Variants in HHIP observed in about 807,000 individuals in gnomAD.
The protein encoded by HHIP is hedgehog interacting protein.
A neutral mutation model predicts 74.0 loss-of-function variants in HHIP; 12 were observed. The ratio of observed to expected loss-of-function variants is 0.16; its 90% confidence interval spans 0.10 to 0.26. The LOEUF (loss-of-function observed/expected upper bound fraction) is 0.26, where lower values mean the gene tolerates loss of function less well. Ranked by LOEUF, HHIP falls within the 10% of genes least tolerant of loss-of-function variation. HHIP has a pLI of 1.00. For missense variants in HHIP, 788 were observed against 845.0 expected, an observed-to-expected ratio of 0.93 and a Z score of 0.84; for synonymous variants, 309 against 311.6, an observed-to-expected ratio of 0.99 and a Z score of 0.09.
chr4:144,677,837 T>C (rs1257450247), intron 4 of HHIP, among the ~76,000 whole-genome samples: 1 of 152,186 alleles, frequency 6.6e-6, no homozygotes, highest in African/African-American at 2.4e-5. Context: ...CCTAATTAGA[T>C]GGTATTTTCT....
rs1328809637 is a variant in HHIP, at chr4:144,741,414, G to A, written c.*3457G>A. The A allele has an allele frequency of 1.0e-5, 1 of 97,516 alleles. No homozygotes were observed. Among genetic ancestry groups the A allele is most frequent in the Non-Finnish European group, 1.9e-5 (1 of 53,724 alleles). 6.0% of individuals were successfully genotyped at this position (97,516 alleles called of 1,614,324 possible). On this transcript the variant is annotated 3_prime_UTR_variant, in exon 13 of 13. Transcript: ENST00000296575. ...TTTTTTTTTTTTGAGACGGAGCCTT[G>A]CTATGTTGCCCAGGCTGCAGAGCAG...
chr4:144,688,124 G>A (rs142242072), intron 4 of HHIP, among the ~76,000 whole-genome samples: 1 of 152,114 alleles, frequency 6.6e-6, no homozygotes, highest in Admixed American at 6.6e-5. Flanking sequence ...TTTTGCTCTA[G>A]AATCAGCACT....
At chr4:144,718,117 A>T (rs1309383707) in intron 10 of HHIP, among the ~76,000 whole-genome samples, 2 of 152,236 alleles carry the variant, frequency 1.3e-5, no homozygotes, top group Non-Finnish European at 1.5e-5. Flanking sequence ...TTTTTAAAAA[A>T]TACGGTACAT....
At chr4:144,730,469 A>C (rs749784456) in intron 11 of HHIP, among the ~76,000 whole-genome samples, 3 of 152,162 alleles carry the variant, frequency 2.0e-5, no homozygotes, top group Non-Finnish European at 2.9e-5. Flanking sequence ...TTCTGTTTTG[A>C]AAGTTACTCT....
intron 10 of HHIP, among the ~76,000 whole-genome samples, chr4:144,718,536 C>G (rs2126670207): frequency 6.6e-6 from 1 of 152,288 alleles, no homozygotes; most frequent in Middle Eastern, 3.4e-3. Flanking sequence ...TGATCTAACT[C>G]CTTTGAAAAG....
intron 10 of HHIP, among the ~76,000 whole-genome samples, chr4:144,717,899 T>C (rs1730507992): frequency 1.3e-5 from 2 of 152,198 alleles, no homozygotes; most frequent in Admixed American, 1.3e-4. Flanking sequence ...CGGTAACAAC[T>C]TGATAACTGA....
chr4:144,734,056 A>G (rs1731039519), intron 11 of HHIP, among the ~76,000 whole-genome samples: 1 of 151,850 alleles, frequency 6.6e-6, no homozygotes, highest in African/African-American at 2.4e-5. Flanking sequence ...ATCATTACAT[A>G]TATGGATCAA....
intron 5 of HHIP, 48 bp from the exon 6 acceptor site, chr4:144,707,039 T>C: frequency 6.6e-7 from 1 of 1,504,666 alleles, no homozygotes; most frequent in Non-Finnish European, 9.3e-7. Flanking sequence ...GATGGACTCA[T>C]CTTAAATCTT....
chr4:144,729,814 T>TG (rs1262282936), intron 11 of HHIP, among the ~76,000 whole-genome samples: 7 of 97,392 alleles, frequency 7.2e-5, no homozygotes, highest in African/African-American at 2.4e-4. Context: ...CATCAGGATA[T>TG]CTACATAAGT....
intron 4 of HHIP, chr4:144,660,301 T>TTA (rs1197033197): frequency 5.8e-6 from 1 of 171,784 alleles, no homozygotes; most frequent in African/African-American, 2.4e-5. Context: ...TTTTTACAGG[T>TTA]AAGTCAAATA....
rs142777788 is a variant in HHIP at position 144,708,705 on chromosome 4, G to T, written c.1301+394G>T. 1.7e-3 allele frequency among the ~76,000 whole-genome samples: 261 copies of T among 152,228 alleles called. 2 individuals carry two copies. Among genetic ancestry groups the T allele is most frequent in the African/African-American group, 6.1e-3 (254 of 41,524 alleles). The stretch of plus-strand genomic sequence containing the variant: ...TCTTAAGTTCTTTATATATTACATG[G>T]CGGTGATAATAACTGCCTTGCTATG... On this transcript the variant is annotated intron_variant, in intron 7 of 12. Coordinates refer to ENST00000296575, the MANE Select transcript of HHIP (RefSeq NM_022475.3).
In HHIP at chr4:144,738,138, T is replaced by C; in HGVS notation, c.*181T>C. On this transcript the variant is annotated 3_prime_UTR_variant, in exon 13 of 13. Transcript: ENST00000296575. ...GTATGTCAGCATGTTTGTTCACATATGCACATACACATACTCATAACCCCT... is the reference window on the plus strand; with the variant it reads ...GTATGTCAGCATGTTTGTTCACATACGCACATACACATACTCATAACCCCT... The C allele has an allele frequency of 3.1e-6, 4 of 1,291,906 alleles. No individual in the cohort carries two copies. In the South Asian group the frequency reaches 7.7e-5, roughly 25 times the overall value. 80.0% of individuals were successfully genotyped at this position (1,291,906 alleles called of 1,614,324 possible). A position where few individuals can be genotyped will look rare whatever the true frequency, so the allele number is the denominator to read the frequency against.
chr4:144,727,778 C>T lies in HHIP; in HGVS notation c.1761-6963C>T, dbSNP rs112799938. On this transcript the variant is annotated intron_variant, in intron 11 of 12. Coordinates refer to ENST00000296575, the MANE Select transcript of HHIP (RefSeq NM_022475.3). ...AAAGTTGATACAGGATATCCACATA[C>T]CCTTTTAGATATTTGTGTACTGTGG... is the stretch of plus-strand genomic sequence containing the variant. Among the ~76,000 whole-genome samples, 739 of 152,182 alleles carry T rather than the reference C, an allele frequency of 4.9e-3. 3 individuals carry two copies. Among genetic ancestry groups the T allele is most frequent in the Middle Eastern group, 6.8e-3 (2 of 294 alleles).
intron 4 of HHIP, among the ~76,000 whole-genome samples, chr4:144,669,405 C>G (rs1368691136): frequency 6.6e-6 from 1 of 152,152 alleles, no homozygotes; most frequent in Non-Finnish European, 1.5e-5. Flanking sequence ...GAATTATCAT[C>G]AGAAGGGAGG....
chr4:144,724,738 C>T lies in HHIP; in HGVS notation c.1760+5782C>T, dbSNP rs189241657. The stretch of plus-strand genomic sequence containing the variant: ...TGTATGCATATATATATATATATCC[C>T]ATTTCCTGGAAATGTGACATATGAC... On this transcript the variant is annotated intron_variant, in intron 11 of 12. Transcript: ENST00000296575. 1.9e-3 allele frequency among the ~76,000 whole-genome samples: 282 copies of T among 146,668 alleles called. 2 individuals carry two copies. Among genetic ancestry groups the T allele is most frequent in the African/African-American group, 6.5e-3 (262 of 40,166 alleles).
At chr4:144,658,678 A>G (rs2126587148) in intron 2 of HHIP, 112 bp from the exon 3 acceptor site, 1 of 820,802 alleles carries the variant, frequency 1.2e-6, no homozygotes, top group East Asian at 2.5e-5. Flanking sequence ...GGTTCTTCCT[A>G]AAATATCCAC....
chr4:144,649,203 C>G (rs1578672642), intron 1 of HHIP, among the ~76,000 whole-genome samples: 2 of 151,264 alleles, frequency 1.3e-5, no homozygotes, highest in East Asian at 3.9e-4. Flanking sequence ...GAGATGATTG[C>G]TATTTGAAAG....
chr4:144,660,367 T>C (rs1354812227), intron 4 of HHIP: 8 of 154,150 alleles, frequency 5.2e-5, no homozygotes, highest in African/African-American at 1.9e-4. Context: ...ACTTCTCTAA[T>C]TTGAATTCTC....
chr4:144,666,911 T>A (rs890568383), intron 4 of HHIP, among the ~76,000 whole-genome samples: 2 of 152,222 alleles, frequency 1.3e-5, no homozygotes, highest in Non-Finnish European at 2.9e-5. Flanking sequence ...ATATTTTGCA[T>A]GCACAATCAC....
Sources: gnomAD v4.1 joint callset for allele counts (sites outside exome capture counted in the v4.1 genomes callset) on GRCh38, gnomAD v4.1.1 for gene constraint, MANE v1.5 for transcripts, NCBI Gene and HGNC (gene_info 2026-07-23, HGNC 2026-07-21) for gene names.